The following PRRC2A variants were observed in gnomAD, a reference collection of about 807,000 sequenced individuals.
The protein encoded by PRRC2A is protein PRRC2A.
A neutral mutation model predicts 224.6 loss-of-function variants in PRRC2A; 59 were observed. The observed-to-expected ratio is 0.26, with a 90% CI of 0.21 to 0.33. PRRC2A has a LOEUF of 0.33. Ranked by LOEUF, PRRC2A falls within the 10% of genes least tolerant of loss-of-function variation. The pLI is 1.00. For missense variants in PRRC2A, 3,095 were observed against 2,880.7 expected, an observed-to-expected ratio of 1.07 and a Z score of -1.70; for synonymous variants, 1,194 against 1,109.5, an observed-to-expected ratio of 1.08 and a Z score of -1.51.
intron 30 of PRRC2A, 24 bp from the exon 31 acceptor site, chr6:31,637,422 G>GT (rs1777597769): frequency 6.3e-7 from 1 of 1,598,988 alleles, no homozygotes; most frequent in Non-Finnish European, 8.5e-7. Flanking sequence ...GTGACTCACT[G>GT]TTTAACACAT....
chr6:31,627,309 G>A lies in PRRC2A; in HGVS notation c.1290+111G>A, dbSNP rs1033428796. Reference sequence around the variant, plus strand: ...AAGGGGGGTGCTAAAAATGGGCTGTGTGAAGTGCCAGGCTGCAGAACATCC... The same window carrying A: ...AAGGGGGGTGCTAAAAATGGGCTGTATGAAGTGCCAGGCTGCAGAACATCC... On this transcript the variant is annotated intron_variant, in intron 11 of 30. Coordinates refer to ENST00000376033, the MANE Select transcript of PRRC2A (RefSeq NM_004638.4). The surrounding 1 kb of genome is among the most constrained non-coding windows in gnomAD (Gnocchi z 5.6). The A allele has an allele frequency of 2.6e-6, 2 of 773,950 alleles. No individual in the cohort carries two copies. Among genetic ancestry groups the A allele is most frequent in the African/African-American group, 3.5e-5 (2 of 56,912 alleles). The allele number at this position is 773,950 out of a possible 1,614,324, so 47.9% of individuals were successfully genotyped here.
chr6:31,631,281 A>C lies in PRRC2A; in HGVS notation c.2608A>C (p.Ser870Arg), dbSNP rs1455132330. 6.2e-7 allele frequency: 1 copy of C among 1,612,198 alleles called. No homozygotes were observed. Among genetic ancestry groups the C allele is most frequent in the Non-Finnish European group, 8.5e-7 (1 of 1,179,696 alleles). ...CCGTCCACTCCCCTGGCCCCCAGGC[A>C]GTGATGAAGTGGCCAAGATACAAAC... ...GPRPLPWPPGSDEVAKIQTPP... is the reference protein window; with the variant it reads ...GPRPLPWPPGRDEVAKIQTPP... Residue 870 changes from serine (S) to arginine (R), a missense_variant, in exon 16 of 31, where the codon AGT (serine) becomes CGT (arginine). By Grantham distance (110) the Ser-to-Arg change is moderately radical. Transcript: ENST00000376033. This position sits in a 1 kb window ranked among gnomAD's most constrained non-coding sequence, Gnocchi z 4.5.
In PRRC2A at chr6:31,625,518, C is replaced by A; in HGVS notation, c.666C>A (p.Asp222Glu). ...GCCCTGATGAGCTGGAGGGCCCGGA[C>A]TCCAAACTTCATCATGGTCATGATC... ...GRGPDELEGP[D>E]SKLHHGHDPR... The change falls in exon 7 of 31, where the codon GAC (aspartate) becomes GAA (glutamate). Residue 222 changes from aspartate to glutamate, a missense_variant. Asp to Glu is a conservative substitution (Grantham distance 45). Around this residue, in one of 8 missense-constraint regions of PRRC2A, gnomAD observed 287 missense variants for 275.3 expected, o/e 1.04. Coordinates refer to ENST00000376033, the MANE Select transcript of PRRC2A (RefSeq NM_004638.4). The surrounding 1 kb of genome is among the most constrained non-coding windows in gnomAD (Gnocchi z 4.1). 1 of 1,581,596 alleles carries A rather than the reference C, an allele frequency of 6.3e-7. No homozygotes were observed. The highest frequency in any genetic ancestry group is 1.2e-5 in the South Asian group (1 of 86,530).
At position 31,630,671 on chromosome 6, in the gene PRRC2A, G is replaced by C; in HGVS notation, c.2335G>C (p.Glu779Gln). 1 of 1,614,128 alleles carries C rather than the reference G, an allele frequency of 6.2e-7. No individual in the cohort carries two copies. Among genetic ancestry groups the C allele is most frequent in the Non-Finnish European group, 8.5e-7 (1 of 1,180,026 alleles). Residue 779 changes from glutamate to glutamine, a missense_variant, in exon 15 of 31, where the codon GAA (glutamate) becomes CAA (glutamine). Glu to Gln is a conservative substitution (Grantham distance 29). Coordinates refer to ENST00000376033, the MANE Select transcript of PRRC2A (RefSeq NM_004638.4). Reference sequence around the variant, plus strand: ...CCGTCATGCACCTGCTATGTTACGGGAACGGGGCACTCCACCGGTGGATCC... The same window carrying C: ...CCGTCATGCACCTGCTATGTTACGGCAACGGGGCACTCCACCGGTGGATCC... Reference protein sequence around the residue: ...FDRHAPAMLRERGTPPVDPKL... With the variant: ...FDRHAPAMLRQRGTPPVDPKL...
In PRRC2A at chr6:31,632,919, G is replaced by A. The variant is rs62623662; in HGVS notation, c.4246G>A (p.Gly1416Ser). 0.012 allele frequency: 20,051 copies of A among 1,612,490 alleles called. 158 individuals are homozygous for A. Among genetic ancestry groups the A allele is most frequent in the East Asian group, 0.035 (1,564 of 44,878 alleles). ...GSSGSSSGGGGGGPGGRTGPG... is the reference protein window; with the variant it reads ...GSSGSSSGGGSGGPGGRTGPG... ...CAGTGGCAGCAGCAGTGGAGGAGGC[G>A]GTGGGGGTCCTGGAGGAAGGACCGG... The change falls in exon 16 of 31, where the codon GGT (glycine) becomes AGT (serine). Residue 1416 changes from glycine (G) to serine (S), a missense_variant. By Grantham distance (56) the Gly-to-Ser change is moderately conservative (BLOSUM62 0). Coordinates refer to ENST00000376033, the MANE Select transcript of PRRC2A (RefSeq NM_004638.4).
Position 31,632,789 on chromosome 6 carries a change from T to G in PRRC2A, c.4116T>G (p.Asp1372Glu), listed in dbSNP as rs767778437. Reference protein sequence around the residue: ...VPGISAMSRGDLSQRAKDLSK... With the variant: ...VPGISAMSRGELSQRAKDLSK... ...GTATTTCAGCCATGTCCCGCGGAGA[T>G]CTGAGCCAGAGAGCCAAGGATTTGA... Residue 1372 changes from aspartate to glutamate, a missense_variant, in exon 16 of 31, where the codon GAT becomes GAG. Around this residue, in one of 8 missense-constraint regions of PRRC2A, gnomAD observed 2,001 missense variants for 1,764.9 expected, o/e 1.13. Transcript: ENST00000376033. 6.2e-7 allele frequency: 1 copy of G among 1,613,034 alleles called. No individual in the cohort carries two copies. The highest frequency in any genetic ancestry group is 1.1e-5 in the South Asian group (1 of 91,080).
chr6:31,621,541 A>G (rs1775296125), intron 1 of PRRC2A, among the ~76,000 whole-genome samples: 1 of 145,852 alleles, frequency 6.9e-6, no homozygotes, highest in Non-Finnish European at 1.5e-5. Flanking sequence ...TTTCGTATTC[A>G]TTATTTTCTG....
rs773656463 is a variant in PRRC2A, at chr6:31,628,074, C to T, written c.1600C>T (p.Pro534Ser). 3 of 1,612,826 alleles carry T rather than the reference C, an allele frequency of 1.9e-6. No individual in the cohort carries two copies. The highest frequency in any genetic ancestry group is 4.5e-5 in the East Asian group (2 of 44,886). Residue 534 changes from proline (P) to serine (S), a missense_variant, in exon 12 of 31, where the codon CCA (proline) becomes TCA (serine). Physicochemically the swap from Pro to Ser is moderately conservative, Grantham distance 74. Around this residue, in one of 8 missense-constraint regions of PRRC2A, gnomAD observed 2,001 missense variants for 1,764.9 expected, o/e 1.13. Coordinates refer to ENST00000376033, the MANE Select transcript of PRRC2A (RefSeq NM_004638.4). ...TAAAGAACTCCCTGCACCTCCAGCT[C>T]CACCTCCAGCATCAGCCCCAACACC... ...VPKELPAPPA[P>S]PPASAPTPET...
rs957072177 is a variant in PRRC2A at position 31,620,725 on chromosome 6, C to T, written c.-234C>T. 3.9e-5 allele frequency: 6 copies of T among 152,210 alleles called. No homozygotes were observed. The highest frequency in any genetic ancestry group is 8.8e-5 in the Non-Finnish European group (6 of 68,040). 9.4% of individuals were successfully genotyped at this position (152,210 alleles called of 1,614,324 possible). A position where few individuals can be genotyped will look rare whatever the true frequency, so the allele number is the denominator to read the frequency against. On this transcript the variant is annotated 5_prime_UTR_variant, in exon 1 of 31. Transcript: ENST00000376033. The stretch of plus-strand genomic sequence containing the variant: ...CCCGGATGGGCCGTTAGTCGGGGCT[C>T]AGCCGCGGAGTGAGCGAGGGAGACG...
In PRRC2A at chr6:31,624,347, C is replaced by T. The variant is rs768032448; in HGVS notation, c.377C>T (p.Pro126Leu). 3 of 1,613,960 alleles carry T rather than the reference C, an allele frequency of 1.9e-6. No individual in the cohort carries two copies. The highest frequency in any genetic ancestry group is 2.5e-6 in the Non-Finnish European group (3 of 1,179,966). Residue 126 changes from proline to leucine, a missense_variant, in exon 4 of 31, where the codon CCA (proline) becomes CTA (leucine). Physicochemically the swap from Pro to Leu is moderately conservative, Grantham distance 98. Around this residue, in one of 8 missense-constraint regions of PRRC2A, gnomAD observed 287 missense variants for 275.3 expected, o/e 1.04. Transcript: ENST00000376033. ...GCCTCCAACCAGCCGAAACGACCCC[C>T]AGCAGCCCCCGAGGTACCTGGAGAA... ...TPASNQPKRP[P>L]AAPENTPLVP...
rs1160296267 is a variant in PRRC2A at position 31,633,423 on chromosome 6, C to A, written c.4364C>A (p.Pro1455Gln). The change falls in exon 17 of 31, where the codon CCA becomes CAA. Residue 1455 changes from proline (P) to glutamine (Q), a missense_variant. This residue lies in a region of PRRC2A where 2,001 missense variants were observed against 1,764.9 expected (regional missense o/e 1.13). Coordinates refer to ENST00000376033, the MANE Select transcript of PRRC2A (RefSeq NM_004638.4). ...CCCCCGGGGCTTCCCCTGCCTCCCC[C>A]ACCTCCCAGCAGTTCTGCTGTCTTC... Reference protein sequence around the residue: ...ERPPGLPLPPPPPSSSAVFRL... With the variant: ...ERPPGLPLPPQPPSSSAVFRL... 1.2e-6 allele frequency: 2 copies of A among 1,612,948 alleles called. No individual in the cohort carries two copies. Among genetic ancestry groups the A allele is most frequent in the Non-Finnish European group, 1.7e-6 (2 of 1,180,026 alleles).
In PRRC2A at chr6:31,629,821, T is replaced by C. The variant is rs1776335565; in HGVS notation, c.2230T>C (p.Tyr744His). The C allele has an allele frequency of 4.3e-6, 7 of 1,613,772 alleles. No homozygotes were observed. Among genetic ancestry groups the C allele is most frequent in the South Asian group, 1.1e-5 (1 of 91,080 alleles). Residue 744 changes from tyrosine (Y) to histidine (H), a missense_variant, in exon 14 of 31, where the codon TAC becomes CAC. By Grantham distance (83) the Tyr-to-His change is moderately conservative. Transcript: ENST00000376033. ...LLQGRPPLDF[Y>H]PPGVHPSGLV... ...CCAGGGTCGTCCCCCTCTAGACTTC[T>C]ACCCTCCTGGTGTGCATCCCTCTGG...
Position 31,634,987 on chromosome 6 carries a change from C to CA in PRRC2A, c.5160+16dup, listed in dbSNP as rs1323391087. 1 of 1,602,626 alleles carries CA rather than the reference C, an allele frequency of 6.2e-7. No individual in the cohort carries two copies. Among genetic ancestry groups the CA allele is most frequent in the Admixed American group, 1.8e-5 (1 of 56,992 alleles). Reference sequence around the variant, plus strand: ...CGATGGGGACAGAAAGGTAAAAGACCAAAAAAGGATAAGGGGAATGTTTCC... The same window carrying CA: ...CGATGGGGACAGAAAGGTAAAAGACCAAAAAAAGGATAAGGGGAATGTTTCC... On this transcript the variant is annotated intron_variant, in intron 21 of 30. Transcript: ENST00000376033.
Position 31,627,184 on chromosome 6 carries a change from C to A in PRRC2A, c.1276C>A (p.Pro426Thr). 6.2e-7 allele frequency: 1 copy of A among 1,606,298 alleles called. No homozygotes were observed. Residue 426 changes from proline to threonine, a missense_variant, in exon 11 of 31, where the codon CCT (proline) becomes ACT (threonine). Coordinates refer to ENST00000376033, the MANE Select transcript of PRRC2A (RefSeq NM_004638.4). The surrounding 1 kb of genome is among the most constrained non-coding windows in gnomAD (Gnocchi z 5.6). ...HRGPAGNWGP[P>T]GDYPDRGGPP... ...GGGCCCCGCCGGGAACTGGGGCCCC[C>A]CTGGGGACTACCCAGTGAGTGTCTC...
chr6:31,632,136 G>A lies in PRRC2A; in HGVS notation c.3463G>A (p.Ala1155Thr). 1 of 1,561,550 alleles carries A rather than the reference G, an allele frequency of 6.4e-7. No individual in the cohort carries two copies. The highest frequency in any genetic ancestry group is 8.7e-7 in the Non-Finnish European group (1 of 1,154,284). The change falls in exon 16 of 31, where the codon GCC becomes ACC. Residue 1155 changes from alanine (A) to threonine (T), a missense_variant. This residue lies in a region of PRRC2A where 2,001 missense variants were observed against 1,764.9 expected (regional missense o/e 1.13). Transcript: ENST00000376033. ...PPSPAPARFTARGGRVFTPRG... is the reference protein window; with the variant it reads ...PPSPAPARFTTRGGRVFTPRG... ...TTCACCAGCCCCAGCCCGCTTCACT[G>A]CCCGGGGTGGGCGAGTCTTCACTCC... is the stretch of plus-strand genomic sequence containing the variant.
chr6:31,624,139 T>C, intron 3 of PRRC2A, 122 bp from the exon 4 acceptor site: 1 of 1,167,090 alleles, frequency 8.6e-7, no homozygotes, highest in Non-Finnish European at 1.2e-6. Flanking sequence ...ATGACAAAAT[T>C]AATTTGTCCT....
intron 16 of PRRC2A, 128 bp from the exon 17 acceptor site, chr6:31,633,251 G>C (rs1027859445): frequency 3.3e-5 from 45 of 1,360,914 alleles, no homozygotes; most frequent in Non-Finnish European, 4.4e-5. Flanking sequence ...GGAATCCTTA[G>C]AAGGACTCAA....
intron 13 of PRRC2A, 31 bp downstream of exon 13, chr6:31,629,365 T>C (rs545052142): frequency 1.3e-6 from 2 of 1,533,128 alleles, no homozygotes; most frequent in Non-Finnish European, 1.8e-6. Context: ...CTCTAAGGGC[T>C]GCTTTTCTTC....
rs180704814 is a variant in PRRC2A at position 31,625,782 on chromosome 6, C to G, written c.760-10C>G. On this transcript the variant is annotated splice_polypyrimidine_tract_variant and intron_variant, in intron 7 of 30. Transcript: ENST00000376033. This position sits in a 1 kb window ranked among gnomAD's most constrained non-coding sequence, Gnocchi z 4.1. ...TCCCTCTGAGCAGCTACTGTTGGAC[C>G]CTTTTACAGATGTATCCCCCATATC... 4,079 of 1,568,688 alleles carry G rather than the reference C, an allele frequency of 2.6e-3. 18 individuals are homozygous for G. The highest frequency in any genetic ancestry group is 3.8e-3 in the Middle Eastern group (23 of 5,982).
Sources: allele counts gnomAD v4.1 joint callset (sites outside exome capture counted in the v4.1 genomes callset), GRCh38; gene constraint gnomAD v4.1.1; regional missense constraint gnomAD v4.1.1; non-coding constraint Gnocchi (gnomAD v3.1); transcripts MANE v1.5; gene names NCBI Gene and HGNC (gene_info 2026-07-23, HGNC 2026-07-21).